Variants in MPP2 observed in about 807,000 individuals in gnomAD.
MPP2 encodes MAGUK p55 subfamily member 2.
In MPP2, 42 loss-of-function variants were observed where a neutral mutation model predicts 58.5. That is an observed-to-expected ratio of 0.72 (90% CI 0.56 to 0.93). The LOEUF is 0.93. MPP2 is among the 40% of genes least tolerant of loss of function. The pLI, the probability that MPP2 is intolerant of heterozygous loss-of-function variation, is 0.00. For synonymous variants in MPP2, 300 were observed against 307.8 expected (o/e 0.97, Z 0.26); for missense variants, 632 against 760.4 (o/e 0.83, Z 1.99).
chr17:43,878,053 C>T (rs941631308), intron 12 of MPP2, 70 bp from the exon 13 acceptor site: 79 of 1,492,710 alleles, frequency 5.3e-5, no homozygotes, highest in Admixed American at 2.8e-4. Flanking sequence ...GAAGGAGCTA[C>T]AGCTGCCCCC....
intron 1 of MPP2, among the ~76,000 whole-genome samples, chr17:43,906,830 G>A (rs1443543380): frequency 1.3e-5 from 2 of 151,328 alleles, no homozygotes; most frequent in Non-Finnish European, 2.9e-5. Context: ...TGACTGCCCC[G>A]GCCAACCCCC....
intron 2 of MPP2, among the ~76,000 whole-genome samples, chr17:43,904,142 G>A (rs1054695881): frequency 2.6e-5 from 4 of 152,186 alleles, no homozygotes; most frequent in African/African-American, 4.8e-5. Flanking sequence ...GCAATAGTAC[G>A]GGTCACCTCT....
rs139956472 is a variant in MPP2, at chr17:43,904,448, C to T, written c.13G>A (p.Ala5Thr). ...TTCTTACCAGTTTCAGAGTTGGTGG[C>T]GGCAACCGGCATGGTGAAGGAGGCA... MPVA[A>T]TNSETAMQQV... The change falls in exon 2 of 13, where the codon GCC (alanine) becomes ACC (threonine). Residue 5 changes from alanine to threonine, a missense_variant. Ala to Thr is a moderately conservative substitution (Grantham distance 58). Transcript: ENST00000269095. The T allele has an allele frequency of 5.8e-5, 94 of 1,613,748 alleles. No individual in the cohort carries two copies. The East Asian group carries it at 9.6e-4, about 16-fold the overall frequency.
intron 2 of MPP2, among the ~76,000 whole-genome samples, chr17:43,899,246 C>A (rs74775368): frequency 2.7e-5 from 4 of 149,408 alleles, no homozygotes; most frequent in African/African-American, 7.6e-5. Flanking sequence ...GACTCCGTCT[C>A]AAAAAAAAAA....
chr17:43,907,053 CA>C, intron 1 of MPP2: 1 of 510,066 alleles, frequency 2.0e-6, no homozygotes, highest in African/African-American at 2.1e-5. Flanking sequence ...CTAGGGGGAC[CA>C]GGGGGCCACC....
At chr17:43,906,749 G>A (rs1240076112) in intron 1 of MPP2, among the ~76,000 whole-genome samples, 5 of 152,112 alleles carry the variant, frequency 3.3e-5, no homozygotes, top group Non-Finnish European at 7.4e-5. Context: ...GGGGAGGGGG[G>A]CGTGTTGTGA....
At chr17:43,901,797 C>A (rs967038834) in intron 2 of MPP2, among the ~76,000 whole-genome samples, 5 of 152,158 alleles carry the variant, frequency 3.3e-5, no homozygotes, top group Non-Finnish European at 5.9e-5. Context: ...ATTTATCTCC[C>A]AAGTCTCAGG....
intron 3 of MPP2, among the ~76,000 whole-genome samples, chr17:43,886,318 T>G (rs1440283510): frequency 6.6e-6 from 1 of 151,554 alleles, no homozygotes; most frequent in South Asian, 2.1e-4. Flanking sequence ...AGAGTCTTGC[T>G]CTGTCACCCA....
chr17:43,883,985 G>C (rs1480971199), intron 3 of MPP2: 2 of 650,710 alleles, frequency 3.1e-6, no homozygotes, highest in Non-Finnish European at 5.5e-6. Context: ...GGTTAGATGG[G>C]TCAGGAAGAA....
At chr17:43,895,681 T>C (rs935969434) in intron 3 of MPP2, among the ~76,000 whole-genome samples, 4 of 152,166 alleles carry the variant, frequency 2.6e-5, no homozygotes, top group African/African-American at 9.7e-5. Flanking sequence ...TTTACTTATT[T>C]ATTGAAGACG....
chr17:43,901,418 T>C (rs2048092760), intron 2 of MPP2: 1 of 985,336 alleles, frequency 1.0e-6, no homozygotes, highest in Non-Finnish European at 1.2e-6. Context: ...GAGGGCACAT[T>C]TGCACACAGG....
At chr17:43,882,148 G>A in intron 6 of MPP2, 136 bp downstream of exon 6, 1 of 810,174 alleles carries the variant, frequency 1.2e-6, no homozygotes, top group Non-Finnish European at 2.0e-6. Context: ...GCGGTCAGCT[G>A]CCCCTGGGCT....
Position 43,904,506 on chromosome 17 carries a change from G to C in MPP2, c.-33-13C>G, listed in dbSNP as rs1485387399. 6.2e-7 allele frequency: 1 copy of C among 1,613,042 alleles called. No homozygotes were observed. Among genetic ancestry groups the C allele is most frequent in the Admixed American group, 1.7e-5 (1 of 60,006 alleles). The stretch of plus-strand genomic sequence containing the variant: ...TGAAACGTCTCTCCTGGAGAGGGGA[G>C]AGAGGAGGATGAGCAGATACAAGGG... On this transcript the variant is annotated splice_polypyrimidine_tract_variant and intron_variant, in intron 1 of 12. Transcript: ENST00000269095.
At chr17:43,903,875 G>A (rs904781287) in intron 2 of MPP2, among the ~76,000 whole-genome samples, 3 of 152,136 alleles carry the variant, frequency 2.0e-5, no homozygotes, top group African/African-American at 7.2e-5. Flanking sequence ...TGTCTGAGTG[G>A]CCCACTCCCT....
At chr17:43,892,655 T>C (rs1409438816) in intron 3 of MPP2, among the ~76,000 whole-genome samples, 2 of 152,132 alleles carry the variant, frequency 1.3e-5, no homozygotes, top group African/African-American at 2.4e-5. Context: ...ATTAGCCTCA[T>C]ACTGGGGGTC....
In MPP2 at chr17:43,879,972, C is replaced by G. The variant is rs377355247; in HGVS notation, c.1163G>C (p.Arg388Pro). The stretch of plus-strand genomic sequence containing the variant: ...ACCTTCCCGCTCTGAGTCTTTCGGC[C>G]GCCGGGAGGTGTCTAGGGGGATGGG... ...YGTTVPYTSR[R>P]PKDSEREGQG... is the part of the protein sequence containing the mutation. The change falls in exon 11 of 13, where the codon CGG becomes CCG. Residue 388 changes from arginine (R) to proline (P), a missense_variant. By Grantham distance (103) the Arg-to-Pro change is moderately radical. Coordinates refer to ENST00000269095, the MANE Select transcript of MPP2 (RefSeq NM_005374.5). The surrounding 1 kb of genome is among the most constrained non-coding windows in gnomAD (Gnocchi z 4.1). 2 of 1,613,898 alleles carry G rather than the reference C, an allele frequency of 1.2e-6. No individual in the cohort carries two copies. Among genetic ancestry groups the G allele is most frequent in the Admixed American group, 3.3e-5 (2 of 59,982 alleles).
At chr17:43,894,204 G>A (rs377533474) in intron 3 of MPP2, among the ~76,000 whole-genome samples, 114 of 151,684 alleles carry the variant, frequency 7.5e-4, no homozygotes, top group African/African-American at 2.5e-3. Flanking sequence ...GGATTGCGAG[G>A]TCAAGAGATC....
intron 3 of MPP2, among the ~76,000 whole-genome samples, chr17:43,886,636 T>C (rs1367377845): frequency 6.6e-6 from 1 of 152,220 alleles, no homozygotes; most frequent in Non-Finnish European, 1.5e-5. Context: ...CGTAATTTTC[T>C]TAGATATTGA....
At chr17:43,909,615 C>A, upstream of MPP2, 1 of 1,476,580 alleles carries the variant, frequency 6.8e-7, no homozygotes, top group Non-Finnish European at 9.0e-7. Context: ...CAGATTCTGG[C>A]CCACCTGGGG....
Sources: gnomAD v4.1 joint callset for allele counts (sites outside exome capture counted in the v4.1 genomes callset) on GRCh38, gnomAD v4.1.1 for gene constraint, Gnocchi (gnomAD v3.1) non-coding constraint, MANE v1.5 for transcripts, NCBI Gene and HGNC (gene_info 2026-07-23, HGNC 2026-07-21) for gene names.